The following CCDC38 variants were observed in gnomAD, a reference collection of about 807,000 sequenced individuals.
CCDC38 encodes coiled-coil domain containing 38.
In CCDC38, 69 loss-of-function variants were observed where a neutral mutation model predicts 72.8. The observed-to-expected ratio is 0.95, with a 90% CI of 0.78 to 1.16. CCDC38 has a LOEUF of 1.16. CCDC38 is among the 50% of genes most tolerant of loss of function. The pLI, the probability that CCDC38 is intolerant of heterozygous loss-of-function variation, is 0.00. For missense variants in CCDC38, 626 were observed against 638.9 expected, an observed-to-expected ratio of 0.98 and a Z score of 0.22; for synonymous variants, 201 against 213.2, an observed-to-expected ratio of 0.94 and a Z score of 0.50.
At chr12:95,925,814 T>G (rs1324272926) in intron 2 of CCDC38, among the ~76,000 whole-genome samples, 1 of 151,094 alleles carries the variant, frequency 6.6e-6, no homozygotes, top group Non-Finnish European at 1.5e-5. Flanking sequence ...GGTTTTTGTC[T>G]TTGGTTCTGT....
chr12:95,913,884 A>G (rs1433544110), intron 4 of CCDC38, among the ~76,000 whole-genome samples: 3 of 152,204 alleles, frequency 2.0e-5, no homozygotes, highest in African/African-American at 7.2e-5. Flanking sequence ...ACCCACCGAG[A>G]ACTTCGAATA....
chr12:95,898,361 C>G (rs372243417), intron 7 of CCDC38, 24 bp downstream of exon 7: 1 of 1,612,836 alleles, frequency 6.2e-7, no homozygotes, highest in Admixed American at 1.7e-5. Context: ...AATTTGGCCA[C>G]GAGAAGATTG....
rs748628654 is a variant in CCDC38, at chr12:95,878,205, A to G, written c.1278+6T>C. The G allele has an allele frequency of 6.2e-7, 1 of 1,612,670 alleles. No individual in the cohort carries two copies. The highest frequency in any genetic ancestry group is 1.1e-5 in the South Asian group (1 of 90,990). Reference sequence around the variant, plus strand: ...ATGAAATCACCATAGGCAAAGAGTGATTTACCTGAGCATCTGAATTAAATT... The same window carrying G: ...ATGAAATCACCATAGGCAAAGAGTGGTTTACCTGAGCATCTGAATTAAATT... On this transcript the variant is annotated splice_donor_region_variant and intron_variant, in intron 13 of 15. Transcript: ENST00000344280.
At chr12:95,897,701 A>G (rs1184366854) in intron 7 of CCDC38, among the ~76,000 whole-genome samples, 1 of 151,450 alleles carries the variant, frequency 6.6e-6, no homozygotes, top group Non-Finnish European at 1.5e-5. Context: ...GGCAGATGGT[A>G]CAATTTTATC....
chr12:95,928,150 A>G (rs1209001551), intron 2 of CCDC38, among the ~76,000 whole-genome samples: 1 of 151,658 alleles, frequency 6.6e-6, no homozygotes, highest in African/African-American at 2.4e-5. Flanking sequence ...ACTTGGTTCC[A>G]TTCTCCGCAT....
At chr12:95,899,344 C>T (rs1481945053) in intron 5 of CCDC38, among the ~76,000 whole-genome samples, 2 of 152,330 alleles carry the variant, frequency 1.3e-5, no homozygotes, top group Admixed American at 1.3e-4. Flanking sequence ...GTCACCCAGG[C>T]TGGAGTGCAG....
At chr12:95,929,795 T>C (rs1255646924) in intron 2 of CCDC38, among the ~76,000 whole-genome samples, 1 of 152,182 alleles carries the variant, frequency 6.6e-6, no homozygotes, top group Non-Finnish European at 1.5e-5. Flanking sequence ...AACAGAAATG[T>C]ATTCTCTCCA....
At chr12:95,927,899 G>T (rs1485810618) in intron 2 of CCDC38, among the ~76,000 whole-genome samples, 1 of 149,780 alleles carries the variant, frequency 6.7e-6, no homozygotes, top group Non-Finnish European at 1.5e-5. Context: ...GGTTTCTGCC[G>T]AGAGATCCAC....
At chr12:95,926,228 T>G (rs1291277236) in intron 2 of CCDC38, among the ~76,000 whole-genome samples, 2 of 150,112 alleles carry the variant, frequency 1.3e-5, no homozygotes, top group South Asian at 2.1e-4. Context: ...CTCCTGTTAT[T>G]GGTCTATTCA....
chr12:95,882,964 T>G (rs968247598), intron 10 of CCDC38, among the ~76,000 whole-genome samples: 7 of 152,222 alleles, frequency 4.6e-5, no homozygotes, highest in Admixed American at 1.3e-4. Flanking sequence ...CCCAATATTA[T>G]TGGATGGCAA....
At chr12:95,884,593 G>A (rs371470015) in intron 10 of CCDC38, among the ~76,000 whole-genome samples, 1 of 152,230 alleles carries the variant, frequency 6.6e-6, no homozygotes, top group South Asian at 2.1e-4. Flanking sequence ...CACAGTTCTG[G>A]AGGCTAGAAG....
intron 5 of CCDC38, chr12:95,903,487 A>T (rs553164974): frequency 4.3e-6 from 3 of 700,000 alleles, no homozygotes; most frequent in Non-Finnish European, 7.8e-6. Context: ...GAAAGCATTC[A>T]GTCTTTTACC....
At chr12:95,867,455 C>G (rs180868170) in intron 15 of CCDC38, among the ~76,000 whole-genome samples, 6 of 152,246 alleles carry the variant, frequency 3.9e-5, no homozygotes, top group Non-Finnish European at 8.8e-5. Flanking sequence ...GTAAAGTCAT[C>G]AAATAGTATA....
intron 2 of CCDC38, among the ~76,000 whole-genome samples, chr12:95,920,129 T>C (rs944800830): frequency 3.9e-5 from 6 of 152,206 alleles, no homozygotes; most frequent in African/African-American, 1.4e-4. Context: ...AAATCTCATC[T>C]TGAATTGTAG....
At chr12:95,878,182 GA>G (rs1209744806) in intron 13 of CCDC38, 28 bp downstream of exon 13, 2 of 1,608,996 alleles carry the variant, frequency 1.2e-6, no homozygotes, top group East Asian at 2.2e-5. Context: ...GAGCCAAAAT[GA>G]AATCACCATA....
At chr12:95,907,605 C>CG (rs2080023735) in intron 4 of CCDC38, among the ~76,000 whole-genome samples, 2 of 133,910 alleles carry the variant, frequency 1.5e-5, no homozygotes, top group Non-Finnish European at 1.6e-5. Context: ...CCCTCCCGGA[C>CG]GGGTGGCTGC....
chr12:95,888,618 C>T, intron 9 of CCDC38, 112 bp from the exon 10 acceptor site: 2 of 854,940 alleles, frequency 2.3e-6, no homozygotes, highest in Admixed American at 3.8e-5. Flanking sequence ...CATTTTTCTG[C>T]ACAGACATGC....
intron 13 of CCDC38, among the ~76,000 whole-genome samples, chr12:95,876,775 T>C (rs574774056): frequency 2.0e-5 from 3 of 152,304 alleles, no homozygotes; most frequent in South Asian, 2.1e-4. Context: ...GACAGTCTTC[T>C]TCTGATGCAG....
At chr12:95,867,344 G>A (rs189339554) in intron 15 of CCDC38, among the ~76,000 whole-genome samples, 155 bp from the exon 16 acceptor site, 2 of 152,116 alleles carry the variant, frequency 1.3e-5, no homozygotes, top group East Asian at 1.9e-4. Context: ...ATAACCTAAC[G>A]GATGTCTAAC....
Sources: allele counts gnomAD v4.1 joint callset (sites outside exome capture counted in the v4.1 genomes callset), GRCh38; gene constraint gnomAD v4.1.1; transcripts MANE v1.5; gene names NCBI Gene and HGNC (gene_info 2026-07-23, HGNC 2026-07-21).